The following PALM variants were observed in gnomAD, a reference collection of about 807,000 sequenced individuals.
PALM encodes paralemmin-1.
A neutral mutation model predicts 30.7 loss-of-function variants in PALM; 18 were observed. The observed-to-expected ratio is 0.59, with a 90% confidence interval of 0.41 to 0.87. The LOEUF is 0.87. Among genes scored for constraint, PALM ranks in the 40% least tolerant of loss-of-function variants. The pLI is 0.00. For synonymous variants in PALM, 286 were observed against 242.8 expected (o/e 1.18, Z -1.66); for missense variants, 529 against 555.4 (o/e 0.95, Z 0.48).
chr19:732,674 A>C (rs1451317033), intron 5 of PALM, among the ~76,000 whole-genome samples: 1 of 151,920 alleles, frequency 6.6e-6, no homozygotes, highest in African/African-American at 2.4e-5. Flanking sequence ...AGCCTGGGAG[A>C]CAGAGCAAGA....
intron 1 of PALM, among the ~76,000 whole-genome samples, chr19:721,413 C>T (rs921405527): frequency 4.1e-5 from 6 of 146,946 alleles, no homozygotes; most frequent in African/African-American, 1.5e-4. Context: ...TTACAGGCGC[C>T]TGGCACCACC....
At chr19:740,269 C>CT in intron 7 of PALM, 83 bp from the exon 8 acceptor site, 1 of 1,384,446 alleles carries the variant, frequency 7.2e-7, no homozygotes, top group East Asian at 2.6e-5. Flanking sequence ...CTGCTGGCTC[C>CT]CCCCTCCCTG....
intron 1 of PALM, among the ~76,000 whole-genome samples, chr19:720,902 C>T (rs1599141860): frequency 1.3e-5 from 2 of 152,320 alleles, no homozygotes; most frequent in African/African-American, 4.8e-5. Flanking sequence ...CCAGGAGTTC[C>T]GCCGTTTTGT....
At chr19:738,505 A>G (rs1473530019) in intron 7 of PALM, among the ~76,000 whole-genome samples, 1 of 151,958 alleles carries the variant, frequency 6.6e-6, no homozygotes, top group Non-Finnish European at 1.5e-5. Flanking sequence ...CAGCCTGGGC[A>G]ACAAGAGCAA....
chr19:720,858 C>A (rs903401918), intron 1 of PALM, among the ~76,000 whole-genome samples: 1 of 152,198 alleles, frequency 6.6e-6, no homozygotes, highest in Non-Finnish European at 1.5e-5. Context: ...CGGGTGGGGA[C>A]CTGGGCAGTC....
In PALM at chr19:726,998, C is replaced by CCCCCCCCCCCCCCCCAAA; in HGVS notation, c.58-10_58-9insCCCCCCCCCCCCCCCAAA. 1 of 1,460,798 alleles carries CCCCCCCCCCCCCCCCAAA rather than the reference C, an allele frequency of 6.8e-7. No homozygotes were observed. 90.5% of individuals were successfully genotyped at this position (1,460,798 alleles called of 1,614,324 possible). ...CGCCCATCCCTGACCCCACCCGGCC[C>CCCCCCCCCCCCCCCCAAA]TCCCCACAGGAGAAGCGGAAGCGGC... On this transcript the variant is annotated splice_polypyrimidine_tract_variant and intron_variant, in intron 2 of 8. Transcript: ENST00000338448.
At chr19:713,252 G>A (rs896798400) in intron 1 of PALM, among the ~76,000 whole-genome samples, 1 of 152,146 alleles carries the variant, frequency 6.6e-6, no homozygotes, top group African/African-American at 2.4e-5. Flanking sequence ...ACAGACGGTG[G>A]CCTTGTCGGT....
chr19:727,652 A>G lies in PALM; in HGVS notation c.227A>G (p.Asp76Gly), dbSNP rs1277393321. ...GDEDLRRQMQ[D>G]DEQKTRLLED... Reference sequence around the variant, plus strand: ...GAGGACCTGAGGAGGCAGATGCAGGACGACGAGCAGAAGACACGGCTGCTG... The same window carrying G: ...GAGGACCTGAGGAGGCAGATGCAGGGCGACGAGCAGAAGACACGGCTGCTG... Residue 76 changes from aspartate (D) to glycine (G), a missense_variant, in exon 4 of 9, where the codon GAC becomes GGC. Asp to Gly is a moderately conservative substitution (Grantham distance 94, BLOSUM62 -1). Transcript: ENST00000338448. The G allele has an allele frequency of 1.9e-6, 3 of 1,570,120 alleles. No individual in the cohort carries two copies. Among genetic ancestry groups the G allele is most frequent in the African/African-American group, 1.3e-5 (1 of 74,268 alleles).
intron 1 of PALM, chr19:711,337 A>G (rs2032073916): frequency 3.8e-6 from 1 of 261,620 alleles, no homozygotes; most frequent in South Asian, 1.4e-4. Flanking sequence ...TGGAGCAGCC[A>G]TTCTCCAGCA....
rs182844713 is a variant in PALM at position 711,946 on chromosome 19, C to T, written c.5+2795C>T. 9.9e-5 allele frequency among the ~76,000 whole-genome samples: 15 copies of T among 152,140 alleles called. No homozygotes were observed. The East Asian group carries it at 2.7e-3, about 27-fold the overall frequency. On this transcript the variant is annotated intron_variant, in intron 1 of 8. Coordinates refer to ENST00000338448, the MANE Select transcript of PALM (RefSeq NM_002579.3). Reference sequence around the variant, plus strand: ...GAAGTGCAGGCGTAATTTATTCACTCGGCAACCATTAAGTGGGTACCTGCC... The same window carrying T: ...GAAGTGCAGGCGTAATTTATTCACTTGGCAACCATTAAGTGGGTACCTGCC...
intron 5 of PALM, among the ~76,000 whole-genome samples, chr19:732,079 C>T (rs529843544): frequency 6.6e-6 from 1 of 152,240 alleles, no homozygotes; most frequent in African/African-American, 2.4e-5. Flanking sequence ...CCAGCTCCAG[C>T]GATCCTCCTG....
rs199558818 is a variant in PALM at position 725,459 on chromosome 19, G to C, written c.6-679G>C. Among the ~76,000 whole-genome samples, 449 of 152,272 alleles carry C rather than the reference G, an allele frequency of 2.9e-3. 18 individuals are homozygous for C. The East Asian group carries it at 0.062, about 21-fold the overall frequency. ...ACCTGTCATCCCAGCTACTCAGGAA[G>C]CTGAGGCAGGAGAATCGCTTGAACC... On this transcript the variant is annotated intron_variant, in intron 1 of 8. Transcript: ENST00000338448.
intron 8 of PALM, among the ~76,000 whole-genome samples, chr19:745,525 C>T (rs1307030028): frequency 3.3e-5 from 5 of 151,524 alleles, no homozygotes; most frequent in African/African-American, 9.7e-5. Context: ...GAAACCCCAG[C>T]TCTATTAAAA....
intron 1 of PALM, among the ~76,000 whole-genome samples, chr19:720,200 C>T (rs886364697): frequency 1.3e-5 from 2 of 151,858 alleles, no homozygotes; most frequent in African/African-American, 4.8e-5. Flanking sequence ...GATGCTGCGC[C>T]GGCCCCACCC....
rs867470425 is a variant in PALM, at chr19:716,403, C to A, written c.5+7252C>A. ...CCAGCCTGGGTGACAGAGCGAGACT[C>A]TTTCTCTCAAAAAAAAAAAAAAAGA... On this transcript the variant is annotated intron_variant, in intron 1 of 8. Transcript: ENST00000338448. Among the ~76,000 whole-genome samples, 27 of 142,534 alleles carry A rather than the reference C, an allele frequency of 1.9e-4. No individual in the cohort carries two copies. In the South Asian group the frequency reaches 2.7e-3, roughly 14 times the overall value. 93.5% of individuals were successfully genotyped at this position (142,534 alleles called of 152,430 possible).
At chr19:738,242 A>G (rs2033080070) in intron 7 of PALM, among the ~76,000 whole-genome samples, 1 of 152,066 alleles carries the variant, frequency 6.6e-6, no homozygotes, top group South Asian at 2.1e-4. Flanking sequence ...AAATAGAAAA[A>G]TTAGCCAGGC....
At chr19:719,707 C>A (rs2032393232) in intron 1 of PALM, 7 of 824,426 alleles carry the variant, frequency 8.5e-6, no homozygotes, top group Non-Finnish European at 1.0e-5. Flanking sequence ...ACCCCTGCGC[C>A]GGGGTCCTGG....
intron 1 of PALM, among the ~76,000 whole-genome samples, chr19:712,585 G>A (rs927742960): frequency 2.6e-5 from 4 of 150,982 alleles, no homozygotes; most frequent in Non-Finnish European, 5.9e-5. Flanking sequence ...GGGTTTCACA[G>A]TGTTAGCCAG....
chr19:725,147 A>G (rs1307150932), intron 1 of PALM, among the ~76,000 whole-genome samples: 1 of 148,448 alleles, frequency 6.7e-6, no homozygotes, highest in East Asian at 2.2e-4. Context: ...GCTGGTCTCG[A>G]ACTCCTGACC....
Sources: allele counts gnomAD v4.1 joint callset (sites outside exome capture counted in the v4.1 genomes callset), GRCh38; gene constraint gnomAD v4.1.1; transcripts MANE v1.5; gene names NCBI Gene and HGNC (gene_info 2026-07-23, HGNC 2026-07-21).